The following TEAD1 variants were observed in gnomAD, a reference collection of about 807,000 sequenced individuals.
TEAD1 encodes the protein TEA domain transcription factor 1.
TEAD1 carries 9 observed loss-of-function variants against 54.9 expected under a neutral mutation model. The observed-to-expected ratio is 0.16, with a 90% CI of 0.10 to 0.29. The LOEUF is 0.29. Among genes scored for constraint, TEAD1 ranks in the 10% least tolerant of loss-of-function variants. The probability of loss-of-function intolerance (pLI) is 1.00; values close to 1 mark genes in which losing one functional copy is unlikely to be tolerated. For missense variants in TEAD1, 387 were observed against 535.9 expected, an observed-to-expected ratio of 0.72 and a Z score of 2.74; for synonymous variants, 200 against 187.8, an observed-to-expected ratio of 1.07 and a Z score of -0.53.
intron 10 of TEAD1, among the ~76,000 whole-genome samples, chr11:12,911,484 G>A (rs1462029822): frequency 6.6e-6 from 1 of 152,116 alleles, no homozygotes; most frequent in Non-Finnish European, 1.5e-5. Context: ...GGAAGGAGGG[G>A]CCTTTCAGCT....
intron 3 of TEAD1, among the ~76,000 whole-genome samples, chr11:12,792,500 C>G: frequency 6.6e-6 from 1 of 152,046 alleles, no homozygotes; most frequent in East Asian, 1.9e-4. Flanking sequence ...TGTCTGTATG[C>G]TAACCGCTGA....
At chr11:12,794,931 C>T (rs1383066667) in intron 3 of TEAD1, among the ~76,000 whole-genome samples, 1 of 152,358 alleles carries the variant, frequency 6.6e-6, no homozygotes, top group East Asian at 1.9e-4. Flanking sequence ...GCAGGGTGAG[C>T]ACCTTCACCT....
intron 10 of TEAD1, among the ~76,000 whole-genome samples, chr11:12,916,820 C>A (rs1471108994): frequency 6.6e-6 from 1 of 152,164 alleles, no homozygotes; most frequent in Non-Finnish European, 1.5e-5. Flanking sequence ...AAACTTGAAT[C>A]TTGGGAAGCA....
intron 3 of TEAD1, among the ~76,000 whole-genome samples, chr11:12,837,729 T>C (rs1334060046): frequency 1.3e-5 from 2 of 148,310 alleles, no homozygotes; most frequent in Non-Finnish European, 3.0e-5. Context: ...TCCTTCTTCT[T>C]CTCCTCCTCC....
chr11:12,797,029 C>T (rs1196149763), intron 3 of TEAD1, among the ~76,000 whole-genome samples: 1 of 152,144 alleles, frequency 6.6e-6, no homozygotes, highest in East Asian at 1.9e-4. Context: ...AGGAGAATGG[C>T]GTGAACCCGG....
rs149885936 is a variant in TEAD1, at chr11:12,798,955, A to AC, written c.202+34529dup. Among the ~76,000 whole-genome samples, 965 of 151,236 alleles carry AC rather than the reference A, an allele frequency of 6.4e-3. 29 individuals are homozygous for AC. In the East Asian group the frequency reaches 0.1, roughly 16 times the overall value. On this transcript the variant is annotated intron_variant, in intron 3 of 12. Transcript: ENST00000527636. ...AAAACAAAACAAAAGCAACAACAAA[A>AC]CCCCCCCCAGGCATTCTGCCTGCTG...
At chr11:12,837,978 G>T (rs1262035627) in intron 3 of TEAD1, among the ~76,000 whole-genome samples, 1 of 151,788 alleles carries the variant, frequency 6.6e-6, no homozygotes, top group African/African-American at 2.4e-5. Context: ...TATTTTTTTA[G>T]TAGAGACTGG....
At chr11:12,788,909 G>GT (rs1239992680) in intron 3 of TEAD1, among the ~76,000 whole-genome samples, 1 of 152,188 alleles carries the variant, frequency 6.6e-6, no homozygotes, top group African/African-American at 2.4e-5. Flanking sequence ...GTTTGGGTTT[G>GT]TTTTGTTTTA....
At chr11:12,706,783 G>A (rs1943825003) in intron 2 of TEAD1, among the ~76,000 whole-genome samples, 1 of 152,184 alleles carries the variant, frequency 6.6e-6, no homozygotes, top group East Asian at 1.9e-4. Flanking sequence ...GTTCATGAGC[G>A]TTCCAAGCTT....
At chr11:12,927,823 G>C (rs1589997465) in intron 11 of TEAD1, among the ~76,000 whole-genome samples, 2 of 151,988 alleles carry the variant, frequency 1.3e-5, no homozygotes, top group Non-Finnish European at 2.9e-5. Flanking sequence ...AAAAGCTCTT[G>C]ATTTTGCATA....
At chr11:12,717,417 T>C (rs1396573028) in intron 2 of TEAD1, among the ~76,000 whole-genome samples, 2 of 152,234 alleles carry the variant, frequency 1.3e-5, no homozygotes, top group Non-Finnish European at 2.9e-5. Flanking sequence ...GAAGATGTGC[T>C]GTGTAAGGTG....
rs148130869 is a variant in TEAD1 at position 12,757,335 on chromosome 11, C to T, written c.-54-6844C>T. Among the ~76,000 whole-genome samples, 581 of 152,200 alleles carry T rather than the reference C, an allele frequency of 3.8e-3. 7 individuals are homozygous for T. The highest frequency in any genetic ancestry group is 0.014 in the Middle Eastern group (4 of 294). On this transcript the variant is annotated intron_variant, in intron 2 of 12. Coordinates refer to ENST00000527636, the MANE Select transcript of TEAD1 (RefSeq NM_021961.6). ...CATATCTCTTTCCCTGTAGCTGTCA[C>T]CTTTTGGTAATTTTCTTCTCCAGTC...
At chr11:12,850,905 C>T (rs1947259988) in intron 3 of TEAD1, among the ~76,000 whole-genome samples, 1 of 152,090 alleles carries the variant, frequency 6.6e-6, no homozygotes, top group African/African-American at 2.4e-5. Context: ...CATGAAGAAG[C>T]AATGAGCATG....
intron 3 of TEAD1, among the ~76,000 whole-genome samples, chr11:12,820,485 G>A (rs1325638345): frequency 6.6e-6 from 1 of 152,156 alleles, no homozygotes; most frequent in Non-Finnish European, 1.5e-5. Flanking sequence ...GATCTTAGGA[G>A]TTACAGGTCA....
intron 2 of TEAD1, among the ~76,000 whole-genome samples, chr11:12,706,498 G>A (rs1943817020): frequency 6.6e-6 from 1 of 152,196 alleles, no homozygotes; most frequent in African/African-American, 2.4e-5. Flanking sequence ...AGAACATACT[G>A]TAATTTACAT....
intron 9 of TEAD1, among the ~76,000 whole-genome samples, chr11:12,892,603 C>A (rs1801542831): frequency 6.6e-6 from 1 of 152,104 alleles, no homozygotes; most frequent in African/African-American, 2.4e-5. Flanking sequence ...GAGATCGCGC[C>A]ATTGCTCTCC....
At chr11:12,883,751 C>T (rs566902139) in intron 9 of TEAD1, among the ~76,000 whole-genome samples, 31 of 152,218 alleles carry the variant, frequency 2.0e-4, no homozygotes, top group African/African-American at 4.8e-4. Context: ...TGGTGGCTCA[C>T]GCCTGTAATC....
rs1305981349 is a variant in TEAD1 at position 12,744,974 on chromosome 11, C to T, written c.-54-19205C>T. Reference sequence around the variant, plus strand: ...GTCCCTCCCTGAGCTGTGCTCTGCTCTGCTGGCTAACCTTGTCGGAAGGTT... The same window carrying T: ...GTCCCTCCCTGAGCTGTGCTCTGCTTTGCTGGCTAACCTTGTCGGAAGGTT... On this transcript the variant is annotated intron_variant, in intron 2 of 12. Transcript: ENST00000527636. Among the ~76,000 whole-genome samples, 3 of 152,204 alleles carry T rather than the reference C, an allele frequency of 2.0e-5. No homozygotes were observed. In the East Asian group the frequency reaches 5.8e-4, roughly 29 times the overall value.
At chr11:12,832,610 A>G (rs1054300377) in intron 3 of TEAD1, among the ~76,000 whole-genome samples, 1 of 152,238 alleles carries the variant, frequency 6.6e-6, no homozygotes, top group African/African-American at 2.4e-5. Context: ...TTCAACCTCT[A>G]TGAAGCTAAC....
Sources: allele counts gnomAD v4.1 joint callset (sites outside exome capture counted in the v4.1 genomes callset), GRCh38; gene constraint gnomAD v4.1.1; transcripts MANE v1.5; gene names NCBI Gene and HGNC (gene_info 2026-07-23, HGNC 2026-07-21).